DYRK1A: variants seen among roughly 807,000 people sequenced by gnomAD.
DYRK1A encodes dual specificity tyrosine phosphorylation regulated kinase 1A, also known as dual specificity tyrosine-phosphorylation-regulated kinase 1A.
Under a neutral mutation model 79.7 loss-of-function variants are expected in DYRK1A, and 9 were observed. The ratio of observed to expected loss-of-function variants is 0.11; its 90% CI spans 0.07 to 0.20. The LOEUF is 0.20. Ranked by LOEUF, DYRK1A falls within the 10% of genes least tolerant of loss-of-function variation. The probability of loss-of-function intolerance (pLI) is 1.00; values close to 1 mark genes in which losing one functional copy is unlikely to be tolerated. For missense variants in DYRK1A, 622 were observed against 956.0 expected, an observed-to-expected ratio of 0.65 and a Z score of 4.61; for synonymous variants, 349 against 329.7, an observed-to-expected ratio of 1.06 and a Z score of -0.63.
intron 11 of DYRK1A, among the ~76,000 whole-genome samples, chr21:37,510,186 G>T (rs1327990458): frequency 6.6e-6 from 1 of 152,206 alleles, no homozygotes; most frequent in East Asian, 1.9e-4. Context: ...AAAGCAGAAT[G>T]ACTGTTTCAA....
chr21:37,507,143 C>T (rs2053620556), intron 11 of DYRK1A, among the ~76,000 whole-genome samples: 2 of 152,208 alleles, frequency 1.3e-5, no homozygotes, highest in Admixed American at 1.3e-4. Flanking sequence ...ACTCTCTCCA[C>T]TTTGTAACAT....
intron 1 of DYRK1A, among the ~76,000 whole-genome samples, chr21:37,408,272 G>T (rs1285707665): frequency 3.3e-5 from 5 of 152,126 alleles, no homozygotes; most frequent in African/African-American, 1.2e-4. Context: ...GAAGATGACT[G>T]TACTTCTGAC....
intron 1 of DYRK1A, among the ~76,000 whole-genome samples, chr21:37,401,760 G>A (rs917117409): frequency 2.0e-5 from 3 of 152,172 alleles, no homozygotes; most frequent in African/African-American, 7.2e-5. Context: ...TGGGATTACA[G>A]ATGTGAGTCA....
At chr21:37,469,060 A>G (rs532017697) in intron 2 of DYRK1A, among the ~76,000 whole-genome samples, 10 of 152,382 alleles carry the variant, frequency 6.6e-5, no homozygotes, top group Non-Finnish European at 1.5e-4. Context: ...ATAGACATGC[A>G]AAAATGCTCA....
intron 3 of DYRK1A, among the ~76,000 whole-genome samples, chr21:37,473,977 A>G (rs1014419370): frequency 6.6e-6 from 1 of 152,208 alleles, no homozygotes; most frequent in African/African-American, 2.4e-5. Context: ...ACGATGATCC[A>G]TTTGCACTTT....
intron 1 of DYRK1A, among the ~76,000 whole-genome samples, chr21:37,400,808 T>A (rs1227302010): frequency 1.3e-5 from 2 of 152,174 alleles, no homozygotes; most frequent in African/African-American, 4.8e-5. Flanking sequence ...GCCAAAAATA[T>A]ACTATGATTG....
At chr21:37,384,459 C>T (rs913069211) in intron 1 of DYRK1A, among the ~76,000 whole-genome samples, 9 of 152,052 alleles carry the variant, frequency 5.9e-5, no homozygotes, top group African/African-American at 2.2e-4. Flanking sequence ...CTAAACTAGT[C>T]CTGAAGTAAA....
intron 1 of DYRK1A, among the ~76,000 whole-genome samples, chr21:37,391,196 G>C (rs1323258222): frequency 6.6e-6 from 1 of 152,224 alleles, no homozygotes; most frequent in Non-Finnish European, 1.5e-5. Context: ...GTGCTTGGTA[G>C]TGTTAGTGTG....
chr21:37,375,113 TTAAAG>T (rs1394482467), intron 1 of DYRK1A: 1 of 152,200 alleles, frequency 6.6e-6, no homozygotes, highest in Non-Finnish European at 1.5e-5. Flanking sequence ...AGTTATCATC[TTAAAG>T]TAAGTATGTG....
intron 7 of DYRK1A, among the ~76,000 whole-genome samples, chr21:37,491,185 C>T (rs1301397233): frequency 1.3e-5 from 2 of 151,940 alleles, no homozygotes; most frequent in Admixed American, 6.6e-5. Context: ...CAGATGTGTT[C>T]GTAGTGCTGA....
At chr21:37,436,725 C>G (rs1196897762) in intron 2 of DYRK1A, among the ~76,000 whole-genome samples, 1 of 152,140 alleles carries the variant, frequency 6.6e-6, no homozygotes, top group African/African-American at 2.4e-5. Context: ...TGAAAACCAA[C>G]ATTAAACCAT....
At position 37,458,176 on chromosome 21, in the gene DYRK1A, G is replaced by C. The variant is rs773081997; in HGVS notation, c.11-14508G>C. ...CATTCCCCCTCTTTTTGTACTTACG[G>C]GTTTCTTGGAAGACAGCTGTAATAT... On this transcript the variant is annotated intron_variant, in intron 2 of 11. Transcript: ENST00000647188. Among the ~76,000 whole-genome samples, 65 of 151,782 alleles carry C rather than the reference G, an allele frequency of 4.3e-4. 2 individuals carry two copies. Among genetic ancestry groups the C allele is most frequent in the Non-Finnish European group, 1.5e-5 (1 of 67,980 alleles).
intron 2 of DYRK1A, among the ~76,000 whole-genome samples, chr21:37,423,715 A>G (rs2050539322): frequency 6.6e-6 from 1 of 152,114 alleles, no homozygotes; most frequent in Non-Finnish European, 1.5e-5. Flanking sequence ...AAATTTTTTA[A>G]ACAATAGTGA....
At chr21:37,431,463 G>A (rs1430794578) in intron 2 of DYRK1A, among the ~76,000 whole-genome samples, 2 of 152,206 alleles carry the variant, frequency 1.3e-5, no homozygotes, top group African/African-American at 4.8e-5. Context: ...GTCAGCACCT[G>A]TACTTCACTC....
At chr21:37,365,711 T>A (rs945151953), upstream of DYRK1A, 7 of 152,168 alleles carry the variant, frequency 4.6e-5, no homozygotes, top group Non-Finnish European at 7.3e-5. Flanking sequence ...GAATTAAGAC[T>A]CTGGAAACCG....
intron 8 of DYRK1A, among the ~76,000 whole-genome samples, chr21:37,493,996 A>G (rs1035242141): frequency 2.3e-5 from 3 of 130,366 alleles, no homozygotes; most frequent in Non-Finnish European, 3.1e-5. Flanking sequence ...GCTGGAGTAT[A>G]GTGGGGCAAT....
intron 2 of DYRK1A, among the ~76,000 whole-genome samples, chr21:37,454,788 A>G (rs939392014): frequency 6.6e-6 from 1 of 152,334 alleles, no homozygotes; most frequent in Non-Finnish European, 1.5e-5. Flanking sequence ...GCGGAAAACC[A>G]GATGACTTAA....
chr21:37,506,491 G>C (rs1601320456), intron 11 of DYRK1A: 1 of 990,772 alleles, frequency 1.0e-6, no homozygotes, highest in African/African-American at 1.6e-5. Flanking sequence ...TACCAAAGCA[G>C]CGTTTTGAGC....
chr21:37,457,025 CTTACTTACTTACTTATTTATTTATTTAT>C (rs1409974683), intron 2 of DYRK1A, among the ~76,000 whole-genome samples: 10 of 76,980 alleles, frequency 1.3e-4, no homozygotes, highest in South Asian at 4.3e-4. Flanking sequence ...TACTTACTTA[CTTACTTACTTACTTATTTATTTATTTAT>C]TTATTTATTT....
Sources: allele counts gnomAD v4.1 joint callset (sites outside exome capture counted in the v4.1 genomes callset), GRCh38; gene constraint gnomAD v4.1.1; transcripts MANE v1.5; gene names NCBI Gene and HGNC (gene_info 2026-07-23, HGNC 2026-07-21).